The following CLYBL variants were observed in gnomAD, a reference collection of about 807,000 sequenced individuals.
CLYBL encodes citramalyl-CoA lyase, mitochondrial.
A neutral mutation model predicts 38.9 loss-of-function variants in CLYBL; 31 were observed. The observed-to-expected ratio is 0.80, with a 90% confidence interval of 0.60 to 1.08. The LOEUF (loss-of-function observed/expected upper bound fraction) is 1.08, where lower values mean the gene tolerates loss of function less well. Ranked by LOEUF, CLYBL falls within the 50% of genes least tolerant of loss-of-function variation. The probability of loss-of-function intolerance (pLI) is 0.00; values close to 1 mark genes in which losing one functional copy is unlikely to be tolerated. For missense variants in CLYBL, 434 were observed against 411.6 expected (o/e 1.05, Z -0.47); for synonymous variants, 171 against 158.6 (o/e 1.08, Z -0.59).
chr13:99,859,622 T>C (rs1285350270), intron 3 of CLYBL, among the ~76,000 whole-genome samples: 1 of 152,234 alleles, frequency 6.6e-6, no homozygotes, highest in African/African-American at 2.4e-5. Context: ...TGCATCCTTT[T>C]TAAATTGCTG....
chr13:99,620,842 G>A (rs2793768), intron 1 of CLYBL, among the ~76,000 whole-genome samples: 3 of 63,106 alleles, frequency 4.8e-5, no homozygotes, highest in African/African-American at 1.0e-4. Flanking sequence ...GAAAGAAAAA[G>A]AAAGAAAGAA....
rs1462438417 is a variant in CLYBL, at chr13:99,849,375, T to C, written c.250-9486T>C. ...AAAAATACAAATAATTATCTGGGTA[T>C]GGTGGTGCATGCCTGTAGTCACAGC... On this transcript the variant is annotated intron_variant, in intron 2 of 8. Coordinates refer to ENST00000339105, the MANE Select transcript of CLYBL (RefSeq NM_206808.5). This position sits in a 1 kb window ranked among gnomAD's most constrained non-coding sequence, Gnocchi z 4.9. Among the ~76,000 whole-genome samples the C allele has an allele frequency of 5.9e-5, 9 of 152,104 alleles. No homozygotes were observed. Among genetic ancestry groups the C allele is most frequent in the African/African-American group, 1.9e-4 (8 of 41,418 alleles).
At chr13:99,668,709 T>C (rs898484287) in intron 1 of CLYBL, among the ~76,000 whole-genome samples, 1 of 151,992 alleles carries the variant, frequency 6.6e-6, no homozygotes, top group African/African-American at 2.4e-5. Flanking sequence ...TCCCTGGGCA[T>C]GAGGATGGTA....
chr13:99,649,614 C>T (rs1302223139), intron 1 of CLYBL, among the ~76,000 whole-genome samples: 3 of 152,160 alleles, frequency 2.0e-5, no homozygotes, highest in Non-Finnish European at 4.4e-5. Context: ...GCCTGTAATC[C>T]CAGCACTTTG....
rs751821806 is a variant in CLYBL at position 99,772,955 on chromosome 13, T to A, written c.194T>A (p.Leu65Gln). The A allele has an allele frequency of 4.3e-6, 7 of 1,613,616 alleles. No homozygotes were observed. The African/African-American group carries it at 9.3e-5, about 22-fold the overall frequency. ...AAGAAAATAAAGAAGATTCCATCCC[T>A]GAATGTAGATTGTGCAGTGCTCGAC... ...DEKKIKKIPS[L>Q]NVDCAVLDCE... The change falls in exon 2 of 9, where the codon CTG becomes CAG. Residue 65 changes from leucine (L) to glutamine (Q), a missense_variant. Transcript: ENST00000339105.
chr13:99,702,980 C>T (rs1000766755), intron 1 of CLYBL, among the ~76,000 whole-genome samples: 1 of 152,202 alleles, frequency 6.6e-6, no homozygotes, highest in Non-Finnish European at 1.5e-5. Context: ...TTCGGAACCA[C>T]GTGAATACAG....
At chr13:99,897,951 AAG>A (rs1491005781), downstream of CLYBL, among the ~76,000 whole-genome samples, 3 of 152,060 alleles carry the variant, frequency 2.0e-5, no homozygotes, top group African/African-American at 4.8e-5. Context: ...AAAAAAAAGA[AAG>A]AAAGAAAGAA....
chr13:99,734,377 A>T (rs1018964643), intron 1 of CLYBL, among the ~76,000 whole-genome samples: 1 of 152,130 alleles, frequency 6.6e-6, no homozygotes, highest in Admixed American at 6.5e-5. Flanking sequence ...CATAGGGGGA[A>T]TAAGAAAAGT....
chr13:99,736,989 T>A (rs980478898), intron 1 of CLYBL, among the ~76,000 whole-genome samples: 2 of 152,144 alleles, frequency 1.3e-5, no homozygotes, highest in African/African-American at 4.8e-5. Flanking sequence ...AAAAAAACCC[T>A]TTAGATTTTT....
intron 1 of CLYBL, among the ~76,000 whole-genome samples, chr13:99,698,025 A>G (rs1455360646): frequency 6.6e-6 from 1 of 152,190 alleles, no homozygotes. Flanking sequence ...ATTTGGTTTC[A>G]TGTGTAATAG....
At chr13:99,867,997 A>G (rs2051791210) in intron 6 of CLYBL, among the ~76,000 whole-genome samples, 2 of 152,116 alleles carry the variant, frequency 1.3e-5, no homozygotes, top group African/African-American at 4.8e-5. Flanking sequence ...ATTTCAAATC[A>G]GGTTTAAATT....
In CLYBL at chr13:99,866,381, G is replaced by T. The variant is rs540417575; in HGVS notation, c.776G>T (p.Arg259Leu). The T allele has an allele frequency of 6.2e-7, 1 of 1,613,664 alleles. No individual in the cohort carries two copies. Among genetic ancestry groups the T allele is most frequent in the African/African-American group, 1.3e-5 (1 of 74,884 alleles). Residue 259 changes from arginine (R) to leucine (L), a missense_variant, in exon 6 of 9, where the codon CGA (arginine) becomes CTA (leucine). Physicochemically the swap from Arg to Leu is moderately radical, Grantham distance 102. Transcript: ENST00000339105. ...GGAGCTGGGCTGCTTAGACAGTCAC[G>T]AGAAGGAGCCGCCATGGGCTTCACT... is the stretch of plus-strand genomic sequence containing the variant. ...RDGAGLLRQS[R>L]EGAAMGFTGK...
rs150834665 is a variant in CLYBL at position 99,872,535 on chromosome 13, A to T, written c.927+1473A>T. Among the ~76,000 whole-genome samples, 234 of 152,272 alleles carry T rather than the reference A, an allele frequency of 1.5e-3. 1 individual carries two copies. Among genetic ancestry groups the T allele is most frequent in the African/African-American group, 5.4e-3 (223 of 41,556 alleles). ...CACGCATACCCACACCGAATGCTCTATACCTCTGCTACAAGCCTTGTGCCA... is the reference window on the plus strand; with the variant it reads ...CACGCATACCCACACCGAATGCTCTTTACCTCTGCTACAAGCCTTGTGCCA... On this transcript the variant is annotated intron_variant, in intron 7 of 8. Coordinates refer to ENST00000339105, the MANE Select transcript of CLYBL (RefSeq NM_206808.5).
intron 1 of CLYBL, among the ~76,000 whole-genome samples, chr13:99,636,962 A>C (rs183073630): frequency 5.9e-4 from 90 of 152,240 alleles, no homozygotes; most frequent in Non-Finnish European, 1.2e-3. Context: ...GCATCACTGC[A>C]TCCCCCAGCC....
chr13:99,785,834 G>C (rs1594181776), intron 2 of CLYBL, among the ~76,000 whole-genome samples: 1 of 152,214 alleles, frequency 6.6e-6, no homozygotes, highest in African/African-American at 2.4e-5. Flanking sequence ...CTGACCTCGT[G>C]ATCTACCCAC....
At chr13:99,866,194 T>C in intron 5 of CLYBL, 46 bp from the exon 6 acceptor site, 1 of 1,585,592 alleles carries the variant, frequency 6.3e-7, no homozygotes, top group Non-Finnish European at 8.6e-7. Context: ...CTGGGTGCGG[T>C]TTCCAAAGTT....
chr13:99,694,450 C>T (rs926299114), intron 1 of CLYBL, among the ~76,000 whole-genome samples: 2 of 152,168 alleles, frequency 1.3e-5, no homozygotes, highest in African/African-American at 4.8e-5. Context: ...GTTTCAGCCT[C>T]GAAGTGAGAG....
At chr13:99,846,979 T>C (rs1434099363) in intron 2 of CLYBL, among the ~76,000 whole-genome samples, 11 of 149,028 alleles carry the variant, frequency 7.4e-5, no homozygotes, top group Admixed American at 4.7e-4. Context: ...AAAAGTTTGC[T>C]TTTTTTTAAC....
At chr13:99,753,186 G>T (rs151328832) in intron 1 of CLYBL, among the ~76,000 whole-genome samples, 5 of 152,284 alleles carry the variant, frequency 3.3e-5, no homozygotes, top group African/African-American at 1.2e-4. Context: ...ACCTGTAACT[G>T]AGGGTGGTAA....
Sources: allele counts gnomAD v4.1 joint callset (sites outside exome capture counted in the v4.1 genomes callset), GRCh38; gene constraint gnomAD v4.1.1; non-coding constraint Gnocchi (gnomAD v3.1); transcripts MANE v1.5; gene names NCBI Gene and HGNC (gene_info 2026-07-23, HGNC 2026-07-21).